Variants in EPM2A observed in about 807,000 individuals in gnomAD.
EPM2A encodes the protein EPM2A glucan phosphatase, laforin.
Under a neutral mutation model 26.5 loss-of-function variants are expected in EPM2A, and 21 were observed. The observed-to-expected ratio is 0.79, with a 90% CI of 0.56 to 1.14. EPM2A has a LOEUF of 1.14. Ranked by LOEUF, EPM2A falls within the 50% of genes most tolerant of loss-of-function variation. The probability of loss-of-function intolerance (pLI) is 0.00; values close to 1 mark genes in which losing one functional copy is unlikely to be tolerated. For missense variants in EPM2A, 458 were observed against 440.8 expected, an observed-to-expected ratio of 1.04 and a Z score of -0.35; for synonymous variants, 217 against 177.6, an observed-to-expected ratio of 1.22 and a Z score of -1.76.
intron 2 of EPM2A, among the ~76,000 whole-genome samples, chr6:145,537,720 T>C (rs1429616971): frequency 6.6e-6 from 1 of 151,992 alleles, no homozygotes; most frequent in Non-Finnish European, 1.5e-5. Flanking sequence ...CCAGCATGCA[T>C]TAGGTATTTG....
At chr6:145,531,088 T>C (rs1279105348) in intron 2 of EPM2A, among the ~76,000 whole-genome samples, 3 of 152,228 alleles carry the variant, frequency 2.0e-5, no homozygotes, top group African/African-American at 7.2e-5. Flanking sequence ...GGAAAAATTT[T>C]AAGATGAAGT....
In EPM2A at chr6:145,411,994, C is replaced by T. The variant is rs191264796; in HGVS notation, c.556-27897G>A. On this transcript the variant is annotated intron_variant, in intron 4 of 4. Coordinates refer to the EPM2A transcript ENST00000638717. ...CAGCAATTTGGGAGGCCGAGGGAGA[C>T]GGATCACCAGGTCAGGAGTTCGAGG... Among the ~76,000 whole-genome samples, 284 of 152,044 alleles carry T rather than the reference C, an allele frequency of 1.9e-3. 2 individuals carry two copies. The highest frequency in any genetic ancestry group is 6.4e-3 in the African/African-American group (267 of 41,468).
chr6:145,431,029 C>G (rs1040983039), intron 4 of EPM2A, among the ~76,000 whole-genome samples: 1 of 152,118 alleles, frequency 6.6e-6, no homozygotes, highest in African/African-American at 2.4e-5. Flanking sequence ...TCTGGTTTCC[C>G]TTGGGCTGAT....
intron 4 of EPM2A, among the ~76,000 whole-genome samples, chr6:145,454,422 C>T (rs1297045586): frequency 6.6e-6 from 1 of 152,090 alleles, no homozygotes; most frequent in Non-Finnish European, 1.5e-5. Context: ...TTATCTCGAG[C>T]TTCCATGGTG....
At chr6:145,712,798 T>C (rs78377974) in intron 1 of EPM2A, among the ~76,000 whole-genome samples, 93 of 152,278 alleles carry the variant, frequency 6.1e-4, no homozygotes, top group African/African-American at 2.2e-3. Context: ...TTATGAAAGT[T>C]TCTATGGGGA....
intron 1 of EPM2A, among the ~76,000 whole-genome samples, chr6:145,702,696 ATTATT>A (rs1410099311): frequency 6.6e-6 from 1 of 152,160 alleles, no homozygotes; most frequent in African/African-American, 2.4e-5. Context: ...ACAAACTCAA[ATTATT>A]TTAACAATAA....
intron 2 of EPM2A, among the ~76,000 whole-genome samples, chr6:145,523,434 GTC>G (rs1318758176): frequency 3.3e-5 from 5 of 152,252 alleles, no homozygotes; most frequent in African/African-American, 1.2e-4. Context: ...CTCACTCCAT[GTC>G]TCTGTCATAT....
intron 2 of EPM2A, among the ~76,000 whole-genome samples, chr6:145,604,071 A>C (rs1259649751): frequency 6.6e-6 from 1 of 152,186 alleles, no homozygotes; most frequent in Non-Finnish European, 1.5e-5. Flanking sequence ...TAAAATACAT[A>C]GGATGAAAAT....
At chr6:145,628,040 G>T in intron 3 of EPM2A, 1 of 274,692 alleles carries the variant, frequency 3.6e-6, no homozygotes, top group Non-Finnish European at 6.9e-6. Context: ...GCAGAGATTG[G>T]TCAGAATTTT....
At chr6:145,732,200 C>CTT (rs1450166555) in intron 1 of EPM2A, among the ~76,000 whole-genome samples, 1 of 82,034 alleles carries the variant, frequency 1.2e-5, no homozygotes, top group Non-Finnish European at 2.3e-5. Flanking sequence ...ACAGCTAAGA[C>CTT]TTGTGTGTGT....
At chr6:145,683,313 G>GTGTA (rs1178628366) in intron 2 of EPM2A, among the ~76,000 whole-genome samples, 6 of 147,372 alleles carry the variant, frequency 4.1e-5, no homozygotes, top group African/African-American at 9.8e-5. Context: ...GTGTGAGTGT[G>GTGTA]TATATATTAG....
chr6:145,466,468 G>A (rs1779395269), intron 4 of EPM2A, among the ~76,000 whole-genome samples: 1 of 152,128 alleles, frequency 6.6e-6, no homozygotes, highest in Non-Finnish European at 1.5e-5. Flanking sequence ...AGTTAGAATG[G>A]CAATCATTAA....
chr6:145,729,368 A>C (rs936485935), intron 1 of EPM2A, among the ~76,000 whole-genome samples: 9 of 152,150 alleles, frequency 5.9e-5, no homozygotes, highest in Non-Finnish European at 1.3e-4. Context: ...AGCCACAGAC[A>C]CTCAATACCA....
intron 2 of EPM2A, among the ~76,000 whole-genome samples, chr6:145,601,910 GC>G (rs1485363994): frequency 1.1e-4 from 16 of 151,968 alleles, no homozygotes; most frequent in African/African-American, 3.9e-4. Flanking sequence ...ACAAAGTAAT[GC>G]ACAAAATATA....
chr6:145,585,481 T>C (rs1003523544), intron 2 of EPM2A, among the ~76,000 whole-genome samples: 1 of 152,174 alleles, frequency 6.6e-6, no homozygotes, highest in Non-Finnish European at 1.5e-5. Context: ...TCACTAGTCT[T>C]TTCTTCTGCA....
intron 4 of EPM2A, among the ~76,000 whole-genome samples, chr6:145,493,835 C>A (rs1021858625): frequency 7.9e-5 from 12 of 152,192 alleles, no homozygotes; most frequent in Admixed American, 1.3e-4. Context: ...AGGATGAAGC[C>A]TAGCTCATCA....
At chr6:145,687,777 T>C (rs1237104401) in intron 1 of EPM2A, among the ~76,000 whole-genome samples, 3 of 152,184 alleles carry the variant, frequency 2.0e-5, no homozygotes, top group African/African-American at 7.2e-5. Flanking sequence ...AGGTACAGGA[T>C]GACTCTCTTA....
intron 1 of EPM2A, among the ~76,000 whole-genome samples, chr6:145,688,852 T>C (rs965785059): frequency 3.3e-5 from 5 of 152,136 alleles, no homozygotes; most frequent in African/African-American, 1.2e-4. Context: ...GACTACAAAC[T>C]GGATATGGTT....
intron 2 of EPM2A, among the ~76,000 whole-genome samples, chr6:145,663,579 G>A (rs1349229323): frequency 1.3e-5 from 2 of 152,010 alleles, no homozygotes; most frequent in Non-Finnish European, 2.9e-5. Context: ...AACCAAGTTG[G>A]AAAACACTCT....
Sources: allele counts gnomAD v4.1 joint callset (sites outside exome capture counted in the v4.1 genomes callset), GRCh38; gene constraint gnomAD v4.1.1; transcripts MANE v1.5; gene names NCBI Gene and HGNC (gene_info 2026-07-23, HGNC 2026-07-21).